PTPRD: variants seen among roughly 807,000 people sequenced by gnomAD.
The protein encoded by PTPRD is protein tyrosine phosphatase receptor type D.
A neutral mutation model predicts 214.5 loss-of-function variants in PTPRD; 34 were observed. That is an observed-to-expected ratio of 0.16 (90% CI 0.12 to 0.21). The LOEUF (loss-of-function observed/expected upper bound fraction) is 0.21, where lower values mean the gene tolerates loss of function less well. Among genes scored for constraint, PTPRD ranks in the 10% least tolerant of loss-of-function variants. The pLI is 1.00. For missense variants in PTPRD, 2,545 were observed against 2,398.7 expected (o/e 1.06, Z -1.27); for synonymous variants, 1,128 against 845.7 (o/e 1.33, Z -5.79).
rs117129049 is a variant in PTPRD at position 10,525,854 on chromosome 9, C to T, written c.-600+86544G>A. On this transcript the variant is annotated intron_variant, in intron 2 of 45. Coordinates refer to ENST00000381196, the MANE Select transcript of PTPRD (RefSeq NM_002839.4). Reference sequence around the variant, plus strand: ...CTTTGTTTTTACATTTGTTCTTCGCCCACTTAACAAAAAGTAAAGCCCACT... The same window carrying T: ...CTTTGTTTTTACATTTGTTCTTCGCTCACTTAACAAAAAGTAAAGCCCACT... Among the ~76,000 whole-genome samples the T allele has an allele frequency of 3.3e-3, 508 of 151,882 alleles. 1 individual carries two copies. The highest frequency in any genetic ancestry group is 6.1e-3 in the Non-Finnish European group (415 of 67,952).
intron 14 of PTPRD, among the ~76,000 whole-genome samples, chr9:8,629,896 T>C (rs2096193730): frequency 6.6e-6 from 1 of 151,734 alleles, no homozygotes; most frequent in South Asian, 2.1e-4. Flanking sequence ...CCCTCCTTAT[T>C]GAAACACAGT....
At chr9:9,172,984 G>C (rs2099922402) in intron 10 of PTPRD, among the ~76,000 whole-genome samples, 1 of 152,116 alleles carries the variant, frequency 6.6e-6, no homozygotes, top group Non-Finnish European at 1.5e-5. Context: ...ACCTCACTCA[G>C]AATGAAAGCC....
chr9:10,468,913 G>A (rs2099012299), intron 2 of PTPRD, among the ~76,000 whole-genome samples: 1 of 152,050 alleles, frequency 6.6e-6, no homozygotes, highest in African/African-American at 2.4e-5. Flanking sequence ...GATTCAGAAA[G>A]CCCATTTGAC....
intron 36 of PTPRD, among the ~76,000 whole-genome samples, chr9:8,389,984 G>C (rs1263602997): frequency 6.6e-6 from 1 of 152,150 alleles, no homozygotes; most frequent in Non-Finnish European, 1.5e-5. Context: ...AGTTGCTCAA[G>C]TTGGTGGAAT....
At chr9:10,575,923 T>A (rs954829239) in intron 2 of PTPRD, among the ~76,000 whole-genome samples, 2 of 152,160 alleles carry the variant, frequency 1.3e-5, no homozygotes, top group African/African-American at 4.8e-5. Flanking sequence ...TGATTTTGAC[T>A]GGGGAATTAT....
chr9:9,197,458 T>C (rs1402345663), intron 9 of PTPRD, among the ~76,000 whole-genome samples: 2 of 152,044 alleles, frequency 1.3e-5, no homozygotes, highest in African/African-American at 4.8e-5. Flanking sequence ...TCGCCCAGAC[T>C]GGAATGCAAT....
chr9:10,244,548 T>C (rs1269677692), intron 3 of PTPRD, among the ~76,000 whole-genome samples: 1 of 151,858 alleles, frequency 6.6e-6, no homozygotes, highest in East Asian at 2.0e-4. Flanking sequence ...AAAAGTAGTT[T>C]ATTAGGTTAA....
chr9:8,976,713 C>G (rs1327242776), intron 11 of PTPRD, among the ~76,000 whole-genome samples: 1 of 152,076 alleles, frequency 6.6e-6, no homozygotes, highest in East Asian at 1.9e-4. Flanking sequence ...ATCCTCTCTA[C>G]AGTCTGATTT....
At chr9:9,465,495 G>T (rs1476768768) in intron 8 of PTPRD, among the ~76,000 whole-genome samples, 1 of 152,046 alleles carries the variant, frequency 6.6e-6, no homozygotes, top group Admixed American at 6.6e-5. Flanking sequence ...TACATAAATG[G>T]GTGAGAGCAA....
chr9:8,485,031 C>T (rs1036869380), intron 29 of PTPRD, among the ~76,000 whole-genome samples, 196 bp downstream of exon 29: 21 of 152,170 alleles, frequency 1.4e-4, no homozygotes, highest in Non-Finnish European at 2.5e-4. Flanking sequence ...TGGATTTAAG[C>T]TCCTGCTCCT....
intron 10 of PTPRD, among the ~76,000 whole-genome samples, chr9:9,182,561 G>T (rs1488586709): frequency 6.6e-6 from 1 of 151,954 alleles, no homozygotes; most frequent in Non-Finnish European, 1.5e-5. Flanking sequence ...TATGGGAATT[G>T]TTTATTTCAA....
rs114184302 is a variant in PTPRD at position 9,945,030 on chromosome 9, C to G, written c.-471-6420G>C. On this transcript the variant is annotated intron_variant, in intron 4 of 45. Transcript: ENST00000381196. ...AGAGGTAGCTAGAATATGGATTTGTCTGAAGGTAAAAAGAATTTGTGAGCA... is the reference window on the plus strand; with the variant it reads ...AGAGGTAGCTAGAATATGGATTTGTGTGAAGGTAAAAAGAATTTGTGAGCA... 8.1e-3 allele frequency among the ~76,000 whole-genome samples: 1,226 copies of G among 152,092 alleles called. 14 individuals are homozygous for G. Among genetic ancestry groups the G allele is most frequent in the African/African-American group, 0.028 (1,168 of 41,510 alleles).
chr9:8,866,968 G>T lies in PTPRD; in HGVS notation c.-103-133022C>A, dbSNP rs565569582. On this transcript the variant is annotated intron_variant, in intron 11 of 45. Transcript: ENST00000381196. ...ATTGGAGTGGCAAAATGTTATAAGC[G>T]GGGAGTAGATGGAGTTAGTGGGAAT... Among the ~76,000 whole-genome samples, 177 of 152,202 alleles carry T rather than the reference G, an allele frequency of 1.2e-3. 1 individual carries two copies. The highest frequency in any genetic ancestry group is 6.8e-3 in the Middle Eastern group (2 of 294).
chr9:10,408,638 A>C (rs1200283107), intron 2 of PTPRD, among the ~76,000 whole-genome samples: 1 of 151,682 alleles, frequency 6.6e-6, no homozygotes, highest in Non-Finnish European at 1.5e-5. Flanking sequence ...TTCCTCTTAC[A>C]GAGTATAGGT....
chr9:10,576,565 T>C (rs1014195714), intron 2 of PTPRD, among the ~76,000 whole-genome samples: 9 of 152,150 alleles, frequency 5.9e-5, no homozygotes, highest in Admixed American at 5.2e-4. Context: ...GACTCACCTC[T>C]TAGACTAGGC....
intron 14 of PTPRD, among the ~76,000 whole-genome samples, chr9:8,584,847 T>A (rs776560580): frequency 2.6e-5 from 4 of 152,146 alleles, no homozygotes; most frequent in Admixed American, 1.3e-4. Context: ...TACAATCACG[T>A]TGGAAGCGGA....
intron 9 of PTPRD, among the ~76,000 whole-genome samples, chr9:9,232,431 A>G (rs1203958921): frequency 6.6e-6 from 1 of 152,212 alleles, no homozygotes; most frequent in Admixed American, 6.5e-5. Flanking sequence ...TGTAAATTGA[A>G]TTCAATTTTA....
intron 5 of PTPRD, among the ~76,000 whole-genome samples, chr9:9,914,489 G>C (rs2080123383): frequency 6.6e-6 from 1 of 152,178 alleles, no homozygotes; most frequent in African/African-American, 2.4e-5. Flanking sequence ...GACACAATCA[G>C]AGGCCAGCCA....
chr9:10,272,142 T>C (rs2094456162), intron 3 of PTPRD, among the ~76,000 whole-genome samples: 2 of 152,172 alleles, frequency 1.3e-5, no homozygotes, highest in South Asian at 4.1e-4. Context: ...GTGCTTTCTC[T>C]ATGTATCTCT....
Sources: gnomAD v4.1 joint callset for allele counts (sites outside exome capture counted in the v4.1 genomes callset) on GRCh38, gnomAD v4.1.1 for gene constraint, MANE v1.5 for transcripts, NCBI Gene and HGNC (gene_info 2026-07-23, HGNC 2026-07-21) for gene names.